Variants in EMID1 observed in about 807,000 individuals in gnomAD.
The protein encoded by EMID1 is EMI domain containing 1.
Under a neutral mutation model 60.6 loss-of-function variants are expected in EMID1, and 40 were observed. That is an observed-to-expected ratio of 0.66 (90% CI 0.51 to 0.86). EMID1 has a LOEUF of 0.86. Ranked by LOEUF, EMID1 falls within the 40% of genes least tolerant of loss-of-function variation. The pLI, the probability that EMID1 is intolerant of heterozygous loss-of-function variation, is 0.00. For synonymous variants in EMID1, 242 were observed against 231.0 expected (o/e 1.05, Z -0.43); for missense variants, 585 against 597.1 (o/e 0.98, Z 0.21).
intron 3 of EMID1, among the ~76,000 whole-genome samples, chr22:29,219,513 C>T (rs940257672): frequency 1.3e-5 from 2 of 152,188 alleles, no homozygotes; most frequent in African/African-American, 4.8e-5. Flanking sequence ...GGCACAGCAG[C>T]TCACACCTGT....
intron 1 of EMID1, among the ~76,000 whole-genome samples, chr22:29,207,080 C>T (rs527739478): frequency 3.3e-5 from 5 of 152,344 alleles, no homozygotes; most frequent in East Asian, 1.9e-4. Flanking sequence ...AAGGCCTGCG[C>T]GGCCCCCACC....
At chr22:29,216,218 G>C (rs564780264) in intron 3 of EMID1, 2 of 764,156 alleles carry the variant, frequency 2.6e-6, no homozygotes, top group African/African-American at 3.8e-5. Flanking sequence ...GTGTACCTCT[G>C]GGTGGCTCAG....
intron 13 of EMID1, 27 bp from the exon 14 acceptor site, chr22:29,254,176 G>A (rs761585562): frequency 8.1e-6 from 13 of 1,613,512 alleles, no homozygotes; most frequent in South Asian, 6.6e-5. Context: ...CCCCCTTCAC[G>A]GCTGCATCTG....
chr22:29,224,125 CCCCACAATGGGA>C (rs1402154956), intron 3 of EMID1, among the ~76,000 whole-genome samples: 1 of 152,228 alleles, frequency 6.6e-6, no homozygotes, highest in African/African-American at 2.4e-5. Flanking sequence ...CGAGTGAAGG[CCCCACAATGGGA>C]CCCAGAGCAG....
chr22:29,233,575 A>T (rs759822734), intron 9 of EMID1, 39 bp from the exon 10 acceptor site: 1 of 1,610,766 alleles, frequency 6.2e-7, no homozygotes. Flanking sequence ...CTGAGATTGT[A>T]CTTTGTTCCG....
At chr22:29,249,876 A>G (rs1276436065) in intron 13 of EMID1, among the ~76,000 whole-genome samples, 2 of 151,758 alleles carry the variant, frequency 1.3e-5, no homozygotes, top group Non-Finnish European at 2.9e-5. Flanking sequence ...CAGCCTCCCA[A>G]AGTGCTGGGA....
chr22:29,234,112 G>A (rs968176308), intron 10 of EMID1, 25 bp from the exon 11 acceptor site: 1 of 1,564,792 alleles, frequency 6.4e-7, no homozygotes, highest in Non-Finnish European at 8.7e-7. Context: ...CCAACACAAG[G>A]CTGAGGCCCT....
intron 4 of EMID1, among the ~76,000 whole-genome samples, chr22:29,225,862 G>A (rs1008618958): frequency 2.6e-5 from 4 of 152,220 alleles, no homozygotes; most frequent in Admixed American, 6.5e-5. Context: ...CAGCTGCTGT[G>A]AATGACTCAT....
chr22:29,256,610 C>T (rs1214755173), intron 14 of EMID1, among the ~76,000 whole-genome samples: 1 of 152,012 alleles, frequency 6.6e-6, no homozygotes, highest in Non-Finnish European at 1.5e-5. Context: ...CTCTGGAGTA[C>T]AGATAGGTGC....
chr22:29,228,472 G>A (rs915830968), intron 5 of EMID1, among the ~76,000 whole-genome samples: 9 of 152,132 alleles, frequency 5.9e-5, no homozygotes, highest in East Asian at 3.8e-4. Context: ...TGCAACTGTC[G>A]ACACTTAAGC....
chr22:29,250,854 C>A (rs2041503262), intron 13 of EMID1, among the ~76,000 whole-genome samples: 1 of 145,172 alleles, frequency 6.9e-6, no homozygotes, highest in Non-Finnish European at 1.5e-5. Context: ...TTAGGCCTCC[C>A]AAAGTGCTGG....
chr22:29,257,766 C>T (rs562292605), intron 14 of EMID1, among the ~76,000 whole-genome samples: 80 of 152,376 alleles, frequency 5.3e-4, no homozygotes, highest in African/African-American at 1.6e-3. Context: ...ATTATGCCCA[C>T]GTTCCAGATG....
chr22:29,242,387 T>A (rs2041185785), intron 12 of EMID1, among the ~76,000 whole-genome samples: 1 of 152,242 alleles, frequency 6.6e-6, no homozygotes, highest in Admixed American at 6.5e-5. Flanking sequence ...ATAATTTATA[T>A]ATCTCTCCTA....
Position 29,223,226 on chromosome 22 carries a change from G to A in EMID1, c.320-1907G>A, listed in dbSNP as rs548047419. On this transcript the variant is annotated intron_variant, in intron 3 of 14. Coordinates refer to ENST00000334018, the MANE Select transcript of EMID1 (RefSeq NM_133455.4). The stretch of plus-strand genomic sequence containing the variant: ...TTCCAGCCAGGAGGCCAGATGACAG[G>A]CAGTGGCCTGGGAAACTGGAGCAGT... Among the ~76,000 whole-genome samples the A allele has an allele frequency of 6.6e-5, 10 of 152,364 alleles. No individual in the cohort carries two copies. In the East Asian group the frequency reaches 1.9e-3, roughly 29 times the overall value.
intron 13 of EMID1, 123 bp downstream of exon 13, chr22:29,243,612 GTCTC>G: frequency 4.3e-6 from 5 of 1,163,990 alleles, no homozygotes; most frequent in Non-Finnish European, 6.3e-6. Flanking sequence ...CTACAGCCTG[GTCTC>G]CCAGGCAGGA....
intron 1 of EMID1, among the ~76,000 whole-genome samples, chr22:29,209,430 C>T (rs761625804): frequency 4.9e-4 from 74 of 152,138 alleles, no homozygotes; most frequent in Non-Finnish European, 1.0e-3. Context: ...TTATCAATGA[C>T]CACACCCCAG....
At chr22:29,231,741 C>T (rs1471818427) in intron 7 of EMID1, 59 bp downstream of exon 7, 1 of 1,398,656 alleles carries the variant, frequency 7.1e-7, no homozygotes, top group African/African-American at 1.5e-5. Context: ...CCAGGTGGGC[C>T]CTTCCCTGCT....
intron 13 of EMID1, chr22:29,253,975 C>A: frequency 1.0e-6 from 1 of 985,456 alleles, no homozygotes; most frequent in Non-Finnish European, 1.2e-6. Flanking sequence ...AGCTGGGATC[C>A]AACGGGACCT....
At chr22:29,209,752 G>A (rs2039811399) in intron 1 of EMID1, among the ~76,000 whole-genome samples, 1 of 152,208 alleles carries the variant, frequency 6.6e-6, no homozygotes, top group Non-Finnish European at 1.5e-5. Context: ...GCTGGAGCAA[G>A]AGGGAGGGGC....
Sources: gnomAD v4.1 joint callset for allele counts (sites outside exome capture counted in the v4.1 genomes callset) on GRCh38, gnomAD v4.1.1 for gene constraint, MANE v1.5 for transcripts, NCBI Gene and HGNC (gene_info 2026-07-23, HGNC 2026-07-21) for gene names.